Variants in ATP2B1 observed in about 807,000 individuals in gnomAD.
The protein encoded by ATP2B1 is plasma membrane calcium-transporting ATPase 1.
Under a neutral mutation model 124.2 loss-of-function variants are expected in ATP2B1, and 14 were observed. The observed-to-expected ratio is 0.11, with a 90% CI of 0.07 to 0.18. ATP2B1 has a LOEUF of 0.18. Among genes scored for constraint, ATP2B1 ranks in the 10% least tolerant of loss-of-function variants. The pLI is 1.00. For missense variants in ATP2B1, 763 were observed against 1,466.1 expected (o/e 0.52, Z 7.83); for synonymous variants, 449 against 492.4 (o/e 0.91, Z 1.17).
chr12:89,591,490 C>CT (rs1452421683), intron 20 of ATP2B1, among the ~76,000 whole-genome samples, 195 bp from the exon 21 acceptor site: 2 of 151,142 alleles, frequency 1.3e-5, no homozygotes, highest in South Asian at 2.2e-4. Context: ...ACCACATACT[C>CT]TAAGAATTAA....
chr12:89,653,441 C>T (rs904624349), intron 2 of ATP2B1, among the ~76,000 whole-genome samples: 3 of 151,336 alleles, frequency 2.0e-5, no homozygotes, highest in Non-Finnish European at 4.4e-5. Context: ...GGACTACAGG[C>T]GCCCGCCACC....
intron 5 of ATP2B1, among the ~76,000 whole-genome samples, chr12:89,631,858 T>C (rs988485074): frequency 6.6e-6 from 1 of 151,978 alleles, no homozygotes; most frequent in South Asian, 2.1e-4. Context: ...TTGCCCAGGC[T>C]GGTCTCCATA....
At chr12:89,697,279 T>C (rs1891252677) in intron 1 of ATP2B1, among the ~76,000 whole-genome samples, 2 of 152,052 alleles carry the variant, frequency 1.3e-5, no homozygotes, top group African/African-American at 2.4e-5. Context: ...GGTCAGAATC[T>C]CAGGGGAAGA....
chr12:89,659,651 A>G (rs1886432108), intron 1 of ATP2B1, among the ~76,000 whole-genome samples: 1 of 152,188 alleles, frequency 6.6e-6, no homozygotes, highest in Non-Finnish European at 1.5e-5. Flanking sequence ...GGTCAGGCGC[A>G]GTGGCTCATG....
At chr12:89,659,280 C>T (rs1470561137) in intron 1 of ATP2B1, among the ~76,000 whole-genome samples, 2 of 152,034 alleles carry the variant, frequency 1.3e-5, no homozygotes, top group African/African-American at 4.8e-5. Flanking sequence ...ATGTAGGCCT[C>T]CTGGCTTACA....
Position 89,603,755 on chromosome 12 carries a change from A to G in ATP2B1, c.2805T>C (p.His935=), listed in dbSNP as rs1410688528. 6.2e-7 allele frequency: 1 copy of G among 1,614,158 alleles called. No individual in the cohort carries two copies. The highest frequency in any genetic ancestry group is 1.7e-5 in the Admixed American group (1 of 60,024). Residue 935 remains histidine (H), a synonymous_variant, in exon 17 of 21, where the codon CAT becomes CAC. Transcript: ENST00000428670. The surrounding 1 kb of genome is among the most constrained non-coding windows in gnomAD (Gnocchi z 4.3). The part of the protein sequence containing the change: ...SRTMMKNILG[H]AFYQLVVVFT... ...AGACTACTACAAGTTGATAGAATGC[A>G]TGACCCAAAATATTCTTCATCATTG...
Position 89,642,064 on chromosome 12 carries a change from C to T in ATP2B1, c.406+94G>A. On this transcript the variant is annotated intron_variant, in intron 3 of 20. Coordinates refer to ENST00000428670, the MANE Select transcript of ATP2B1 (RefSeq NM_001366521.1). ...ACAGTGCCTAGCACATAGCAAACAT[C>T]AATAAATGCTGGCCAGCTATTATTA... is the stretch of plus-strand genomic sequence containing the variant. 8 of 1,257,470 alleles carry T rather than the reference C, an allele frequency of 6.4e-6. No individual in the cohort carries two copies. The South Asian group carries it at 1.1e-4, about 17-fold the overall frequency. 77.9% of individuals were successfully genotyped at this position (1,257,470 alleles called of 1,614,324 possible).
chr12:89,636,103 T>C (rs1241840193), intron 3 of ATP2B1, among the ~76,000 whole-genome samples: 2 of 151,818 alleles, frequency 1.3e-5, no homozygotes, highest in Non-Finnish European at 2.9e-5. Flanking sequence ...GAGGTATGCA[T>C]GACATTTGAG....
chr12:89,697,731 T>A (rs1489399589), intron 1 of ATP2B1, among the ~76,000 whole-genome samples: 1 of 145,472 alleles, frequency 6.9e-6, no homozygotes. Context: ...ACCCCCACCG[T>A]TTTTTCAAAT....
chr12:89,692,520 A>T (rs1890669026), intron 1 of ATP2B1, among the ~76,000 whole-genome samples: 1 of 152,230 alleles, frequency 6.6e-6, no homozygotes, highest in Non-Finnish European at 1.5e-5. Flanking sequence ...AACTGGAATC[A>T]GCAGATCAGA....
At position 89,626,597 on chromosome 12, in the gene ATP2B1, G is replaced by A; in HGVS notation, c.986C>T (p.Ala329Val). Residue 329 changes from alanine (A) to valine (V), a missense_variant, in exon 8 of 21, where the codon GCA becomes GTA. Physicochemically the swap from Ala to Val is moderately conservative, Grantham distance 64. Around this residue, in one of 7 missense-constraint regions of ATP2B1, gnomAD observed 392 missense variants for 776.6 expected, o/e 0.50. Coordinates refer to ENST00000428670, the MANE Select transcript of ATP2B1 (RefSeq NM_001366521.1). ...CTTCAATGGCTGCATTTCCATGGCT[G>A]CACCATCCTGGGCTTTTGCTACATT... is the stretch of plus-strand genomic sequence containing the variant. ...NRNKAKAQDG[A>V]AMEMQPLKSE... 1 of 1,606,938 alleles carries A rather than the reference G, an allele frequency of 6.2e-7. No homozygotes were observed. The highest frequency in any genetic ancestry group is 8.5e-7 in the Non-Finnish European group (1 of 1,177,850).
At chr12:89,633,585 A>G (rs138100307) in intron 5 of ATP2B1, among the ~76,000 whole-genome samples, 1 of 151,910 alleles carries the variant, frequency 6.6e-6, no homozygotes, top group Admixed American at 6.6e-5. Flanking sequence ...TTTTTGCAAT[A>G]GGATTTTCTG....
chr12:89,707,066 G>T (rs1445097593), intron 1 of ATP2B1, among the ~76,000 whole-genome samples: 1 of 152,080 alleles, frequency 6.6e-6, no homozygotes, highest in Non-Finnish European at 1.5e-5. Context: ...TCACCAGGAG[G>T]ATAAAGAAAA....
At chr12:89,595,133 T>C (rs1276686776) in intron 20 of ATP2B1, among the ~76,000 whole-genome samples, 1 of 152,066 alleles carries the variant, frequency 6.6e-6, no homozygotes, top group Non-Finnish European at 1.5e-5. Flanking sequence ...GTTTTGTGAA[T>C]TATACAGTCT....
intron 20 of ATP2B1, among the ~76,000 whole-genome samples, chr12:89,598,065 C>CAAAAAAAAAAAAAAAAAAAAAAAAA (rs1565797438): frequency 6.0e-5 from 3 of 49,674 alleles, no homozygotes; most frequent in African/African-American, 1.5e-4. Flanking sequence ...AAAAAAAAAT[C>CAAAAAAAAAAAAAAAAAAAAAAAAA]AAAGCAAGGC....
chr12:89,646,400 G>A (rs555483953), intron 2 of ATP2B1, among the ~76,000 whole-genome samples: 5 of 152,230 alleles, frequency 3.3e-5, no homozygotes, highest in East Asian at 3.9e-4. Flanking sequence ...AGGCTACAGC[G>A]TTGGAGCACC....
At chr12:89,624,801 A>G (rs866221792) in intron 8 of ATP2B1, among the ~76,000 whole-genome samples, 1 of 152,244 alleles carries the variant, frequency 6.6e-6, no homozygotes, top group African/African-American at 2.4e-5. Flanking sequence ...GGAGACCTCG[A>G]ATTAAATACT....
At chr12:89,661,103 A>G (rs898990397) in intron 1 of ATP2B1, among the ~76,000 whole-genome samples, 2 of 152,200 alleles carry the variant, frequency 1.3e-5, no homozygotes, top group African/African-American at 2.4e-5. Context: ...ATGAGAATAC[A>G]AAGTTTTAAG....
intron 1 of ATP2B1, among the ~76,000 whole-genome samples, chr12:89,705,062 A>G (rs1434017105): frequency 2.0e-5 from 3 of 152,182 alleles, no homozygotes; most frequent in Non-Finnish European, 4.4e-5. Flanking sequence ...GCCAGTAAGT[A>G]TATCATTCTC....
Sources: allele counts gnomAD v4.1 joint callset (sites outside exome capture counted in the v4.1 genomes callset), GRCh38; gene constraint gnomAD v4.1.1; regional missense constraint gnomAD v4.1.1; non-coding constraint Gnocchi (gnomAD v3.1); transcripts MANE v1.5; gene names NCBI Gene and HGNC (gene_info 2026-07-23, HGNC 2026-07-21).